The following NPFFR2 variants were observed in gnomAD, a reference collection of about 807,000 sequenced individuals.
NPFFR2 encodes the protein G-protein coupled receptor 74.
In NPFFR2, 15 loss-of-function variants were observed where a neutral mutation model predicts 13.1. The observed-to-expected ratio is 1.15, with a 90% CI of 0.77 to 1.76. The LOEUF is 1.76. NPFFR2 is among the 40% of genes most tolerant of loss of function. The pLI, the probability that NPFFR2 is intolerant of heterozygous loss-of-function variation, is 0.00. For synonymous variants in NPFFR2, 190 were observed against 175.7 expected (o/e 1.08, Z -0.65); for missense variants, 572 against 503.5 (o/e 1.14, Z -1.30).
chr4:72,145,025 A>G (rs911896157), intron 3 of NPFFR2, among the ~76,000 whole-genome samples: 89 of 152,260 alleles, frequency 5.8e-4, no homozygotes, highest in African/African-American at 2.1e-3. Context: ...AAATCCTTCA[A>G]TGAATCCCCA....
intron 1 of NPFFR2, among the ~76,000 whole-genome samples, chr4:72,101,344 A>T (rs1479110109): frequency 6.6e-6 from 1 of 152,012 alleles, no homozygotes; most frequent in African/African-American, 2.4e-5. Flanking sequence ...TCAACTCTGT[A>T]AAAACGATCA....
At chr4:72,075,825 A>G (rs1720410271) in intron 1 of NPFFR2, among the ~76,000 whole-genome samples, 1 of 152,114 alleles carries the variant, frequency 6.6e-6, no homozygotes, top group African/African-American at 2.4e-5. Context: ...TTGCAAAACA[A>G]AAATAGTTTT....
chr4:72,100,243 T>C (rs1721200939), intron 1 of NPFFR2, among the ~76,000 whole-genome samples: 3 of 152,120 alleles, frequency 2.0e-5, no homozygotes, highest in African/African-American at 7.2e-5. Context: ...AATGGCTTAC[T>C]ACTGGCTAAG....
In NPFFR2 at chr4:72,147,236, G is replaced by T. The variant is rs1722812065; in HGVS notation, c.687G>T (p.Leu229=). The T allele has an allele frequency of 1.9e-6, 3 of 1,614,002 alleles. No homozygotes were observed. Among genetic ancestry groups the T allele is most frequent in the Admixed American group, 3.3e-5 (2 of 59,982 alleles). The change falls in exon 4 of 4, where the codon CTG becomes CTT. Residue 229 remains leucine (L), a synonymous_variant. Coordinates refer to ENST00000308744, the MANE Select transcript of NPFFR2 (RefSeq NM_004885.3). ...YTTVLFANIY[L]APLSLIVIMY... Reference sequence around the variant, plus strand: ...CTGTGCTGTTTGCCAACATCTACCTGGCTCCCCTCTCCCTCATTGTCATCA... The same window carrying T: ...CTGTGCTGTTTGCCAACATCTACCTTGCTCCCCTCTCCCTCATTGTCATCA...
intron 2 of NPFFR2, among the ~76,000 whole-genome samples, chr4:72,133,693 T>C (rs2109839375): frequency 6.6e-6 from 1 of 152,250 alleles, no homozygotes; most frequent in African/African-American, 2.4e-5. Flanking sequence ...TGAACAGTGT[T>C]TTGTAGTTCT....
chr4:72,138,127 T>C lies in NPFFR2; in HGVS notation c.416T>C (p.Ile139Thr), dbSNP rs772874024. 1 of 1,612,462 alleles carries C rather than the reference T, an allele frequency of 6.2e-7. No homozygotes were observed. Among genetic ancestry groups the C allele is most frequent in the Non-Finnish European group, 8.5e-7 (1 of 1,178,648 alleles). The change falls in exon 3 of 4, where the codon ATT becomes ACT. Residue 139 changes from isoleucine to threonine, a missense_variant. Physicochemically the swap from Ile to Thr is moderately conservative, Grantham distance 89. Transcript: ENST00000308744. ...GCTTCAGTCTTTACGTTAGTTGCAATTGCTGTAGATAGGTAAGTCTGCACC... is the reference window on the plus strand; with the variant it reads ...GCTTCAGTCTTTACGTTAGTTGCAACTGCTGTAGATAGGTAAGTCTGCACC... ...VAASVFTLVA[I>T]AVDRFQCVVY... is the part of the protein sequence containing the mutation.
rs200218182 is a variant in NPFFR2 at position 72,038,576 on chromosome 4, A to AT, written c.-8+6384dup. 6.6e-3 allele frequency among the ~76,000 whole-genome samples: 1,003 copies of AT among 151,960 alleles called. 6 individuals are homozygous for AT. The highest frequency in any genetic ancestry group is 0.02 in the Middle Eastern group (6 of 294). ...CCTTAGCTAAAATACCAATCAGTAT[A>AT]TTTTTTTTCCTGTAATATGGAAAAA... On this transcript the variant is annotated intron_variant, in intron 1 of 3. Coordinates refer to ENST00000308744, the MANE Select transcript of NPFFR2 (RefSeq NM_004885.3).
chr4:72,050,958 C>A (rs1311265187), intron 1 of NPFFR2, among the ~76,000 whole-genome samples: 3 of 151,902 alleles, frequency 2.0e-5, no homozygotes, highest in African/African-American at 7.3e-5. Flanking sequence ...TTTTTTATGG[C>A]TGCATAGTAT....
intron 1 of NPFFR2, among the ~76,000 whole-genome samples, chr4:72,104,175 C>A (rs1252801475): frequency 6.6e-6 from 1 of 152,038 alleles, no homozygotes. Flanking sequence ...CTTTCGATTT[C>A]TGCAGATGAA....
intron 1 of NPFFR2, among the ~76,000 whole-genome samples, chr4:72,038,953 A>G (rs1228830554): frequency 8.8e-5 from 10 of 113,420 alleles, no homozygotes; most frequent in South Asian, 3.1e-4. Context: ...CGCCCAGGCT[A>G]GAGTGCAGTG....
chr4:72,101,076 A>G (rs1418656831), intron 1 of NPFFR2, among the ~76,000 whole-genome samples: 1 of 152,206 alleles, frequency 6.6e-6, no homozygotes, highest in African/African-American at 2.4e-5. Context: ...AAAAATAAAA[A>G]TCTACACTAT....
At chr4:72,127,125 AC>A (rs1367309714) in intron 1 of NPFFR2, among the ~76,000 whole-genome samples, 1 of 150,568 alleles carries the variant, frequency 6.6e-6, no homozygotes, top group Non-Finnish European at 1.5e-5. Context: ...ACACAGTGAA[AC>A]CCCGTCTCTA....
intron 1 of NPFFR2, among the ~76,000 whole-genome samples, chr4:72,105,728 T>C (rs1484653416): frequency 6.6e-6 from 1 of 152,014 alleles, no homozygotes; most frequent in African/African-American, 2.4e-5. Flanking sequence ...TTTATTTATA[T>C]GAACAAATAC....
chr4:72,138,172 A>T (rs751415050), intron 3 of NPFFR2, 33 bp downstream of exon 3: 1 of 1,493,252 alleles, frequency 6.7e-7, no homozygotes, highest in Non-Finnish European at 9.3e-7. Context: ...ATCCAGAAAA[A>T]TTGGCATGTC....
intron 3 of NPFFR2, among the ~76,000 whole-genome samples, chr4:72,138,531 G>T (rs1404916614): frequency 6.6e-6 from 1 of 151,250 alleles, no homozygotes; most frequent in Admixed American, 6.6e-5. Context: ...CTGTCCTTGT[G>T]ATAGTTAGCT....
intron 3 of NPFFR2, among the ~76,000 whole-genome samples, chr4:72,142,739 G>A (rs1253216041): frequency 1.3e-5 from 2 of 152,092 alleles, no homozygotes; most frequent in Non-Finnish European, 2.9e-5. Context: ...ATGCAAATGA[G>A]CTAAAATCTG....
At chr4:72,037,989 C>A (rs1393853387) in intron 1 of NPFFR2, among the ~76,000 whole-genome samples, 3 of 152,152 alleles carry the variant, frequency 2.0e-5, no homozygotes, top group Non-Finnish European at 4.4e-5. Context: ...AGAATTAGTG[C>A]CCGCTTGAAG....
chr4:72,126,229 T>C (rs1411559354), intron 1 of NPFFR2, among the ~76,000 whole-genome samples: 2 of 152,252 alleles, frequency 1.3e-5, no homozygotes, highest in African/African-American at 4.8e-5. Flanking sequence ...AAAGTTACAA[T>C]TTTAACTTTG....
At chr4:72,048,619 G>C (rs971577546) in intron 1 of NPFFR2, among the ~76,000 whole-genome samples, 61 of 151,716 alleles carry the variant, frequency 4.0e-4, no homozygotes, top group African/African-American at 1.4e-3. Flanking sequence ...AATTACTTGG[G>C]GATAGCTTCT....
Sources: gnomAD v4.1 joint callset for allele counts (sites outside exome capture counted in the v4.1 genomes callset) on GRCh38, gnomAD v4.1.1 for gene constraint, MANE v1.5 for transcripts, NCBI Gene and HGNC (gene_info 2026-07-23, HGNC 2026-07-21) for gene names.